ZNF180: variants seen among roughly 807,000 people sequenced by gnomAD.
ZNF180 encodes the protein zinc finger protein 180 (HHZ168).
A neutral mutation model predicts 11.8 loss-of-function variants in ZNF180; 11 were observed. That is an observed-to-expected ratio of 0.93 (90% confidence interval 0.59 to 1.55). ZNF180 has a LOEUF of 1.55. Ranked by LOEUF, ZNF180 falls within the 40% of genes most tolerant of loss-of-function variation. ZNF180 has a pLI of 0.00. For synonymous variants in ZNF180, 287 were observed against 257.7 expected, an observed-to-expected ratio of 1.11 and a Z score of -1.09; for missense variants, 773 against 781.7, an observed-to-expected ratio of 0.99 and a Z score of 0.13.
chr19:44,499,226 G>C (rs1250582424), intron 1 of ZNF180, among the ~76,000 whole-genome samples: 1 of 152,160 alleles, frequency 6.6e-6, no homozygotes, highest in Non-Finnish European at 1.5e-5. Flanking sequence ...ATGGGAACTG[G>C]GCCCTTTGTC....
chr19:44,476,414 A>G lies in ZNF180; in HGVS notation c.1986T>C (p.Tyr662=). The part of the protein sequence containing the change: ...HQATHTEEKL[Y]ECN ...GCTGATTTACAAACTAGTTACATTC[A>G]TAGAGTTTCTCTTCAGTATGAGTTG... is the stretch of plus-strand genomic sequence containing the variant. Residue 662 remains tyrosine, a synonymous_variant, in exon 5 of 5, where the codon TAT becomes TAC. Coordinates refer to ENST00000592529, the MANE Select transcript of ZNF180 (RefSeq NM_001278509.3). 1 of 1,581,136 alleles carries G rather than the reference A, an allele frequency of 6.3e-7. No homozygotes were observed. The highest frequency in any genetic ancestry group is 8.6e-7 in the Non-Finnish European group (1 of 1,164,452).
chr19:44,479,463 C>T, intron 3 of ZNF180, 54 bp from the exon 4 acceptor site: 1 of 1,605,382 alleles, frequency 6.2e-7, no homozygotes, highest in Non-Finnish European at 8.5e-7. Flanking sequence ...TTCCAAAGTT[C>T]ATGGAGGAGG....
Position 44,497,344 on chromosome 19 carries a change from CA to C in ZNF180, c.-11del. On this transcript the variant is annotated 5_prime_UTR_variant, in exon 2 of 5. Coordinates refer to ENST00000592529, the MANE Select transcript of ZNF180 (RefSeq NM_001278509.3). ...CATCCTGCTCTTCCATGCTCTCCTC[CA>C]GGCACAGCAGGGTGCTGAGGTCCTG... 2 of 1,597,850 alleles carry C rather than the reference CA, an allele frequency of 1.3e-6. No homozygotes were observed.
In ZNF180 at chr19:44,474,633, A is replaced by C. The variant is rs1969812368; in HGVS notation, c.*1769T>G. 6.6e-6 allele frequency: 1 copy of C among 152,172 alleles called. No homozygotes were observed. Among genetic ancestry groups the C allele is most frequent in the Non-Finnish European group, 1.5e-5 (1 of 68,018 alleles). 9.4% of individuals were successfully genotyped at this position (152,172 alleles called of 1,614,324 possible). ...TCTCATATCCCCTTTGTGCTTCTTA[A>C]AGATGGTTAAAATAGGACAGACAGA... On this transcript the variant is annotated 3_prime_UTR_variant, in exon 5 of 5. Coordinates refer to ENST00000592529, the MANE Select transcript of ZNF180 (RefSeq NM_001278509.3).
chr19:44,488,795 C>G (rs916616944), intron 2 of ZNF180, among the ~76,000 whole-genome samples: 1 of 152,032 alleles, frequency 6.6e-6, no homozygotes, highest in African/African-American at 2.4e-5. Context: ...CTCTGCCCGG[C>G]GGCCATCCCA....
rs765926262 is a variant in ZNF180 at position 44,476,922 on chromosome 19, G to A, written c.1478C>T (p.Pro493Leu). The stretch of plus-strand genomic sequence containing the variant: ...TTTCCCACACTGATTACATTCAAAG[G>A]GTTTTTCTCCTGTGTGAGTTCTCTG... The part of the protein sequence containing the change: ...AHQRTHTGEK[P>L]FECNQCGKSF... The change falls in exon 5 of 5, where the codon CCC (proline) becomes CTC (leucine). Residue 493 changes from proline to leucine, a missense_variant. Coordinates refer to ENST00000592529, the MANE Select transcript of ZNF180 (RefSeq NM_001278509.3). The A allele has an allele frequency of 1.2e-6, 2 of 1,614,046 alleles. No individual in the cohort carries two copies. Among genetic ancestry groups the A allele is most frequent in the Admixed American group, 1.7e-5 (1 of 59,992 alleles).
chr19:44,480,569 C>G (rs1217071942), intron 3 of ZNF180, among the ~76,000 whole-genome samples: 1 of 152,188 alleles, frequency 6.6e-6, no homozygotes, highest in Non-Finnish European at 1.5e-5. Context: ...TATCCCATAG[C>G]TAAAATACTT....
chr19:44,497,199 G>A (rs1970611184), intron 2 of ZNF180, 85 bp downstream of exon 2: 3 of 1,263,470 alleles, frequency 2.4e-6, no homozygotes, highest in African/African-American at 1.6e-5. Context: ...CTAAAAGGCT[G>A]CAAAGAGAGT....
intron 2 of ZNF180, among the ~76,000 whole-genome samples, chr19:44,490,484 T>C (rs1370272343): frequency 1.3e-5 from 2 of 152,202 alleles, no homozygotes; most frequent in Admixed American, 6.5e-5. Context: ...TTATCTGGCC[T>C]GAAAGAAAAA....
rs571879762 is a variant in ZNF180 at position 44,474,937 on chromosome 19, T to C, written c.*1465A>G. ...GCAACAATCTCTGGATTAATCCTCA[T>C]AGAGATGGCTCCACTTAGGGTCATC... On this transcript the variant is annotated 3_prime_UTR_variant, in exon 5 of 5. Coordinates refer to ENST00000592529, the MANE Select transcript of ZNF180 (RefSeq NM_001278509.3). The C allele has an allele frequency of 1.3e-5, 2 of 152,354 alleles. No homozygotes were observed. Among genetic ancestry groups the C allele is most frequent in the East Asian group, 1.9e-4 (1 of 5,184 alleles). The allele number at this position is 152,354 out of a possible 1,614,324, so 9.4% of individuals were successfully genotyped here.
In ZNF180 at chr19:44,500,376, C is replaced by T; in HGVS notation, c.-145G>A. On this transcript the variant is annotated 5_prime_UTR_variant, in exon 1 of 5. Transcript: ENST00000592529. ...AACTCGGGTTAGGCAACCCCCTGCC[C>T]CGATTCTGCAACACGGCCGACTCGG... 1 of 1,100,602 alleles carries T rather than the reference C, an allele frequency of 9.1e-7. No homozygotes were observed. The highest frequency in any genetic ancestry group is 1.8e-5 in the Admixed American group (1 of 54,298). 68.2% of individuals were successfully genotyped at this position (1,100,602 alleles called of 1,614,324 possible). A position where few individuals can be genotyped will look rare whatever the true frequency, so the allele number is the denominator to read the frequency against.
At chr19:44,489,065 G>GC (rs1205725829) in intron 2 of ZNF180, among the ~76,000 whole-genome samples, 1 of 148,308 alleles carries the variant, frequency 6.7e-6, no homozygotes, top group Non-Finnish European at 1.5e-5. Context: ...GTGGGGGTCA[G>GC]CCCCCGCCCG....
At chr19:44,498,424 G>A (rs886741517) in intron 1 of ZNF180, among the ~76,000 whole-genome samples, 3 of 152,078 alleles carry the variant, frequency 2.0e-5, no homozygotes, top group Non-Finnish European at 4.4e-5. Context: ...GCTGTTTCCT[G>A]AAATTGCACC....
intron 2 of ZNF180, among the ~76,000 whole-genome samples, chr19:44,493,742 G>GCTCTTGCTCT (rs74996078): frequency 0.72 from 107,404 of 150,212 alleles, 38,698 homozygotes; most frequent in East Asian, 0.99. Context: ...GCAACTAAGT[G>GCTCTTGCTCT]CTCTTGCTCT....
chr19:44,489,071 G>C (rs952197249), intron 2 of ZNF180, among the ~76,000 whole-genome samples: 28 of 130,466 alleles, frequency 2.1e-4, no homozygotes, highest in Non-Finnish European at 4.2e-4. Context: ...GTCAGCCCCC[G>C]CCCGGCCAGC....
intron 1 of ZNF180, among the ~76,000 whole-genome samples, chr19:44,499,985 C>T (rs914900335): frequency 2.6e-5 from 4 of 152,200 alleles, no homozygotes; most frequent in African/African-American, 9.6e-5. Flanking sequence ...GGGGAGTTCT[C>T]AAGATGTCCC....
chr19:44,490,597 C>T (rs886547073), intron 2 of ZNF180, among the ~76,000 whole-genome samples: 10 of 151,972 alleles, frequency 6.6e-5, no homozygotes, highest in Non-Finnish European at 1.2e-4. Flanking sequence ...AAATGCTAAC[C>T]TGTATTTTAA....
chr19:44,476,211 G>T lies in ZNF180; in HGVS notation c.*191C>A. ...TTAACATTGTATATGGAATTGCCAG[G>T]TTGAAAAGTCGTTCATAGACTTTCC... On this transcript the variant is annotated 3_prime_UTR_variant, in exon 5 of 5. Transcript: ENST00000592529. 1 of 516,606 alleles carries T rather than the reference G, an allele frequency of 1.9e-6. No homozygotes were observed. The highest frequency in any genetic ancestry group is 3.3e-6 in the Non-Finnish European group (1 of 304,094). The allele number at this position is 516,606 out of a possible 1,614,324, so 32.0% of individuals were successfully genotyped here.
chr19:44,489,103 G>T (rs907681277), intron 2 of ZNF180, among the ~76,000 whole-genome samples: 7 of 127,554 alleles, frequency 5.5e-5, no homozygotes, highest in Admixed American at 2.4e-4. Context: ...GGAGGGAGGT[G>T]GGGGGGCCAG....
Sources: gnomAD v4.1 joint callset for allele counts (sites outside exome capture counted in the v4.1 genomes callset) on GRCh38, gnomAD v4.1.1 for gene constraint, MANE v1.5 for transcripts, NCBI Gene and HGNC (gene_info 2026-07-23, HGNC 2026-07-21) for gene names.